ROBO2: variants seen among roughly 807,000 people sequenced by gnomAD.
The protein encoded by ROBO2 is roundabout homolog 2.
In ROBO2, 53 loss-of-function variants were observed where a neutral mutation model predicts 160.8. The observed-to-expected ratio is 0.33, with a 90% CI of 0.26 to 0.41. The LOEUF is 0.41. ROBO2 is among the 10% of genes least tolerant of loss of function. ROBO2 has a pLI of 1.00. For synonymous variants in ROBO2, 664 were observed against 611.7 expected, an observed-to-expected ratio of 1.09 and a Z score of -1.26; for missense variants, 1,577 against 1,722.4, an observed-to-expected ratio of 0.92 and a Z score of 1.49.
intron 2 of ROBO2, among the ~76,000 whole-genome samples, chr3:77,365,960 G>T (rs541874395): frequency 2.0e-5 from 3 of 152,080 alleles, no homozygotes; most frequent in African/African-American, 7.2e-5. Flanking sequence ...TATTTTGATT[G>T]CAGAAAAATG....
At chr3:75,990,397 A>C (rs1041356629) in intron 2 of ROBO2, among the ~76,000 whole-genome samples, 2 of 152,160 alleles carry the variant, frequency 1.3e-5, no homozygotes, top group African/African-American at 4.8e-5. Flanking sequence ...GGAACAGTAA[A>C]GGGGAAACTT....
chr3:76,046,161 C>A (rs919807967), intron 2 of ROBO2, among the ~76,000 whole-genome samples: 2 of 151,776 alleles, frequency 1.3e-5, no homozygotes, highest in African/African-American at 4.9e-5. Context: ...AAGCTTTGTT[C>A]GTAAATGAAA....
chr3:76,399,247 A>G (rs6805436), intron 2 of ROBO2, among the ~76,000 whole-genome samples: 28,260 of 151,680 alleles, frequency 0.19, 3,107 homozygotes, highest in African/African-American at 0.3. Flanking sequence ...AAGTAGAGAA[A>G]CAGAACTAAC....
intron 2 of ROBO2, among the ~76,000 whole-genome samples, chr3:76,405,265 C>G (rs985428205): frequency 2.0e-5 from 3 of 150,908 alleles, no homozygotes; most frequent in Non-Finnish European, 4.4e-5. Flanking sequence ...TATATGAGAA[C>G]AAGGTTGCTT....
At chr3:77,133,479 A>G (rs932038733) in intron 2 of ROBO2, among the ~76,000 whole-genome samples, 4 of 152,188 alleles carry the variant, frequency 2.6e-5, no homozygotes, top group Non-Finnish European at 5.9e-5. Flanking sequence ...TCTTGACATT[A>G]TATTTATCAA....
intron 2 of ROBO2, among the ~76,000 whole-genome samples, chr3:77,343,107 A>G (rs1463074094): frequency 6.7e-6 from 1 of 148,808 alleles, no homozygotes; most frequent in African/African-American, 2.4e-5. Context: ...TAAGACCACA[A>G]TCTTATTGGA....
chr3:77,316,120 C>T (rs2063960801), intron 2 of ROBO2, among the ~76,000 whole-genome samples: 1 of 152,084 alleles, frequency 6.6e-6, no homozygotes, highest in Non-Finnish European at 1.5e-5. Flanking sequence ...AGCTGGAGCT[C>T]CTGGAAGCTA....
At chr3:76,839,508 A>G (rs1342776806) in intron 2 of ROBO2, among the ~76,000 whole-genome samples, 1 of 152,174 alleles carries the variant, frequency 6.6e-6, no homozygotes. Context: ...CATCCCAGAG[A>G]TGAATCCCAT....
intron 2 of ROBO2, among the ~76,000 whole-genome samples, chr3:77,304,458 G>A (rs563914851): frequency 6.6e-6 from 1 of 152,134 alleles, no homozygotes; most frequent in Non-Finnish European, 1.5e-5. Flanking sequence ...AGTGAGAGCC[G>A]TTAGACGCAG....
intron 11 of ROBO2, chr3:77,564,328 A>G (rs1370990975): frequency 2.8e-6 from 1 of 360,006 alleles, no homozygotes. Context: ...GTCCTCACAC[A>G]CAAATTCAGA....
chr3:76,076,865 C>T (rs2068659886), intron 2 of ROBO2, among the ~76,000 whole-genome samples: 1 of 152,188 alleles, frequency 6.6e-6, no homozygotes, highest in Non-Finnish European at 1.5e-5. Context: ...ACTTGGGTGA[C>T]TTTAACTGTT....
At chr3:76,303,361 A>G (rs572701002) in intron 2 of ROBO2, among the ~76,000 whole-genome samples, 85 of 151,956 alleles carry the variant, frequency 5.6e-4, no homozygotes, top group African/African-American at 1.4e-3. Context: ...GTGTGTGTGT[A>G]TATATATAAA....
intron 5 of ROBO2, among the ~76,000 whole-genome samples, chr3:77,521,541 C>T (rs2090598429): frequency 6.6e-6 from 1 of 151,296 alleles, no homozygotes; most frequent in East Asian, 1.9e-4. Flanking sequence ...AGTTTTTTCC[C>T]TAACCACTTA....
chr3:76,756,374 T>C (rs1310542203), intron 2 of ROBO2, among the ~76,000 whole-genome samples: 1 of 151,886 alleles, frequency 6.6e-6, no homozygotes, highest in Non-Finnish European at 1.5e-5. Context: ...CGTTTTTGAA[T>C]TGGGAATTTA....
At chr3:76,846,795 C>G (rs1389932241) in intron 2 of ROBO2, among the ~76,000 whole-genome samples, 1 of 152,110 alleles carries the variant, frequency 6.6e-6, no homozygotes, top group Admixed American at 6.6e-5. Context: ...AAGCAGCCGA[C>G]TAAGATAGTA....
intron 2 of ROBO2, among the ~76,000 whole-genome samples, chr3:76,189,261 G>A (rs1391782931): frequency 1.3e-5 from 2 of 152,048 alleles, no homozygotes; most frequent in African/African-American, 4.8e-5. Flanking sequence ...GACAAGCAGA[G>A]ATTCTAGATT....
intron 2 of ROBO2, among the ~76,000 whole-genome samples, chr3:77,009,089 T>G (rs2061731409): frequency 6.6e-6 from 1 of 152,290 alleles, no homozygotes; most frequent in East Asian, 1.9e-4. Context: ...AATAAATTAA[T>G]ACTTACTTAA....
At chr3:76,157,798 C>G (rs2072465190) in intron 2 of ROBO2, among the ~76,000 whole-genome samples, 1 of 152,096 alleles carries the variant, frequency 6.6e-6, no homozygotes, top group Non-Finnish European at 1.5e-5. Context: ...GTGAAGAATG[C>G]CTTGTTCCAC....
At chr3:77,308,680 G>T (rs967411122) in intron 2 of ROBO2, among the ~76,000 whole-genome samples, 2 of 152,076 alleles carry the variant, frequency 1.3e-5, no homozygotes, top group African/African-American at 4.8e-5. Flanking sequence ...TCAGTGAAAC[G>T]AGTGGGGCCA....
Sources: allele counts gnomAD v4.1 joint callset (sites outside exome capture counted in the v4.1 genomes callset), GRCh38; gene constraint gnomAD v4.1.1; transcripts MANE v1.5; gene names NCBI Gene and HGNC (gene_info 2026-07-23, HGNC 2026-07-21).